Variants in CCDC152 observed in about 807,000 individuals in gnomAD.
CCDC152 encodes the protein coiled-coil domain containing 152.
In CCDC152, 37 loss-of-function variants were observed where a neutral mutation model predicts 38.1. The observed-to-expected ratio is 0.97, with a 90% CI of 0.75 to 1.28. The LOEUF (loss-of-function observed/expected upper bound fraction) is 1.28, where lower values mean the gene tolerates loss of function less well. Among genes scored for constraint, CCDC152 ranks in the 50% most tolerant of loss-of-function variants. The pLI is 0.00. For missense variants in CCDC152, 259 were observed against 292.1 expected (o/e 0.89, Z 0.83); for synonymous variants, 83 against 87.1 (o/e 0.95, Z 0.26).
At chr5:42,768,654 A>G (rs548046872) in intron 3 of CCDC152, among the ~76,000 whole-genome samples, 2 of 152,336 alleles carry the variant, frequency 1.3e-5, no homozygotes, top group East Asian at 3.9e-4. Context: ...TCTAAGACTC[A>G]AGCCTAAGTA....
intron 2 of CCDC152, among the ~76,000 whole-genome samples, chr5:42,760,303 CAAAAAAAAAA>C (rs148225690): frequency 1.9e-5 from 2 of 105,814 alleles, no homozygotes; most frequent in African/African-American, 7.2e-5. Flanking sequence ...GACTCCGTCT[CAAAAAAAAAA>C]AAAAAAAAAA....
At chr5:42,758,095 C>T (rs533049843) in intron 1 of CCDC152, among the ~76,000 whole-genome samples, 1 of 152,230 alleles carries the variant, frequency 6.6e-6, no homozygotes, top group East Asian at 1.9e-4. Flanking sequence ...GTTGTGCTTG[C>T]ATATGTCATA....
At chr5:42,771,608 C>T (rs888020004) in intron 4 of CCDC152, among the ~76,000 whole-genome samples, 3 of 151,576 alleles carry the variant, frequency 2.0e-5, no homozygotes, top group African/African-American at 7.3e-5. Context: ...TCCTAGGGGG[C>T]GTGAGGAGGA....
chr5:42,779,522 G>A lies in CCDC152; in HGVS notation c.327G>A (p.Gln109=). ...LIKEKLKSHE[Q]EYKNNIAKLV... is the part of the protein sequence containing the mutation. ...AAGAGAAGTTAAAGTCTCATGAACA[G>A]GTGAGTTTATGTATCATTCTATTCA... The change falls in exon 5 of 9, where the codon CAG becomes CAA. Residue 109 remains glutamine, a splice_region_variant and synonymous_variant. Transcript: ENST00000361970. 1 of 1,488,092 alleles carries A rather than the reference G, an allele frequency of 6.7e-7. No homozygotes were observed. Among genetic ancestry groups the A allele is most frequent in the African/African-American group, 1.4e-5 (1 of 71,796 alleles). 92.2% of individuals were successfully genotyped at this position (1,488,092 alleles called of 1,614,324 possible). A position where few individuals can be genotyped will look rare whatever the true frequency, so the allele number is the denominator to read the frequency against.
intron 2 of CCDC152, among the ~76,000 whole-genome samples, chr5:42,761,288 T>G (rs952560466): frequency 6.6e-6 from 1 of 152,190 alleles, no homozygotes; most frequent in African/African-American, 2.4e-5. Context: ...AATTACAGCA[T>G]ATTCAAAAAT....
intron 7 of CCDC152, among the ~76,000 whole-genome samples, chr5:42,799,142 A>T (rs1340866170): frequency 6.7e-6 from 1 of 150,100 alleles, no homozygotes; most frequent in Non-Finnish European, 1.5e-5. Context: ...AGAAACAAAG[A>T]AAAAAAAAAC....
chr5:42,785,763 T>C (rs895225571), intron 6 of CCDC152, among the ~76,000 whole-genome samples: 9 of 152,166 alleles, frequency 5.9e-5, no homozygotes, highest in African/African-American at 2.4e-5. Flanking sequence ...GGCTGTGAGT[T>C]TGTCATGTAT....
chr5:42,799,875 C>A lies in CCDC152; in HGVS notation c.*94C>A. ...ATATGCATACAGCCTACATAACAAA[C>A]GAAGTCAGCTTTAAGGTTTTTATTG... On this transcript the variant is annotated 3_prime_UTR_variant, in exon 9 of 9. Transcript: ENST00000361970. The A allele has an allele frequency of 7.5e-7, 1 of 1,328,890 alleles. No individual in the cohort carries two copies. Among genetic ancestry groups the A allele is most frequent in the Non-Finnish European group, 1.0e-6 (1 of 966,894 alleles). The allele number at this position is 1,328,890 out of a possible 1,614,324, so 82.3% of individuals were successfully genotyped here.
chr5:42,799,508 C>T, intron 8 of CCDC152, 50 bp downstream of exon 8: 1 of 1,277,844 alleles, frequency 7.8e-7, no homozygotes. Context: ...ACTTTCTAAG[C>T]ATGTTTCTAT....
chr5:42,776,269 A>G (rs1403624460), intron 4 of CCDC152, among the ~76,000 whole-genome samples: 1 of 152,196 alleles, frequency 6.6e-6, no homozygotes. Flanking sequence ...TGCCGTGCTA[A>G]CACTAAGAAC....
intron 3 of CCDC152, among the ~76,000 whole-genome samples, chr5:42,764,238 C>T (rs1013668724): frequency 3.3e-5 from 5 of 152,008 alleles, no homozygotes; most frequent in South Asian, 2.1e-4. Context: ...GGTGAAACCC[C>T]GTCTCTACTA....
At position 42,779,461 on chromosome 5, in the gene CCDC152, A is replaced by G. The variant is rs1331546186; in HGVS notation, c.266A>G (p.Glu89Gly). ...TIEYQQNLKGENEQLKISADL... is the reference protein window; with the variant it reads ...TIEYQQNLKGGNEQLKISADL... ...TTCTTTGATTATTCTTACACAGGTG[A>G]AAATGAACAACTAAAAATAAGTGCT... The change falls in exon 5 of 9, where the codon GAA becomes GGA. Residue 89 changes from glutamate (E) to glycine (G), a missense_variant. Physicochemically the swap from Glu to Gly is moderately conservative, Grantham distance 98. Transcript: ENST00000361970. The G allele has an allele frequency of 6.7e-7, 1 of 1,487,792 alleles. No individual in the cohort carries two copies. Among genetic ancestry groups the G allele is most frequent in the Non-Finnish European group, 9.2e-7 (1 of 1,090,272 alleles). The allele number at this position is 1,487,792 out of a possible 1,614,324, so 92.2% of individuals were successfully genotyped here.
chr5:42,768,167 T>A (rs1430919388), intron 3 of CCDC152, among the ~76,000 whole-genome samples: 1 of 152,162 alleles, frequency 6.6e-6, no homozygotes, highest in Non-Finnish European at 1.5e-5. Flanking sequence ...AATTAAAAGG[T>A]GAAAAGTTTT....
intron 4 of CCDC152, among the ~76,000 whole-genome samples, 197 bp from the exon 5 acceptor site, chr5:42,779,261 A>G (rs1759809972): frequency 6.6e-6 from 1 of 152,194 alleles, no homozygotes; most frequent in South Asian, 2.1e-4. Context: ...ACTCAGCACT[A>G]GGCTGTAAGT....
In CCDC152 at chr5:42,801,244, C is replaced by T. The variant is rs747466362; in HGVS notation, c.*1463C>T. On this transcript the variant is annotated 3_prime_UTR_variant, in exon 9 of 9. Transcript: ENST00000361970. ...TGATGTCCATGATTGTGATGATGCTCATGATGGTAATGAGGCGATGGAGTT... is the reference window on the plus strand; with the variant it reads ...TGATGTCCATGATTGTGATGATGCTTATGATGGTAATGAGGCGATGGAGTT... 1 of 1,614,094 alleles carries T rather than the reference C, an allele frequency of 6.2e-7. No individual in the cohort carries two copies. The highest frequency in any genetic ancestry group is 1.7e-5 in the Admixed American group (1 of 60,012).
chr5:42,782,928 G>A (rs1487637148), intron 5 of CCDC152, among the ~76,000 whole-genome samples: 1 of 151,708 alleles, frequency 6.6e-6, no homozygotes, highest in East Asian at 1.9e-4. Flanking sequence ...GTGCAGTGGT[G>A]CCATCTCGGC....
At chr5:42,794,448 C>T (rs992069041) in intron 6 of CCDC152, among the ~76,000 whole-genome samples, 6 of 152,168 alleles carry the variant, frequency 3.9e-5, no homozygotes, top group Admixed American at 1.3e-4. Context: ...TTCCTTATTA[C>T]TGAGATGATC....
chr5:42,779,714 TAA>T (rs1427300979), intron 5 of CCDC152, among the ~76,000 whole-genome samples, 192 bp downstream of exon 5: 1 of 120,274 alleles, frequency 8.3e-6, no homozygotes, highest in Non-Finnish European at 1.8e-5. Flanking sequence ...ATACTAGTTT[TAA>T]GAGTTTTTTT....
At chr5:42,763,678 C>T (rs1256605158) in intron 3 of CCDC152, among the ~76,000 whole-genome samples, 1 of 152,090 alleles carries the variant, frequency 6.6e-6, no homozygotes, top group Non-Finnish European at 1.5e-5. Flanking sequence ...AAATAAATAT[C>T]AGAAAAATTC....
Sources: gnomAD v4.1 joint callset for allele counts (sites outside exome capture counted in the v4.1 genomes callset) on GRCh38, gnomAD v4.1.1 for gene constraint, MANE v1.5 for transcripts, NCBI Gene and HGNC (gene_info 2026-07-23, HGNC 2026-07-21) for gene names.